Variants in VGLL4 observed in about 807,000 individuals in gnomAD.
The protein encoded by VGLL4 is vestigial like family member 4.
VGLL4 carries 7 observed loss-of-function variants against 21.0 expected under a neutral mutation model. That is an observed-to-expected ratio of 0.33 (90% CI 0.19 to 0.63). VGLL4 has a LOEUF of 0.63. Ranked by LOEUF, VGLL4 falls within the 20% of genes least tolerant of loss-of-function variation. VGLL4 has a pLI of 0.78. For synonymous variants in VGLL4, 222 were observed against 173.2 expected, an observed-to-expected ratio of 1.28 and a Z score of -2.21; for missense variants, 394 against 425.7, an observed-to-expected ratio of 0.93 and a Z score of 0.66.
upstream of VGLL4, among the ~76,000 whole-genome samples, chr3:11,647,015 G>C (rs76231649): frequency 1.3e-5 from 2 of 152,116 alleles, no homozygotes; most frequent in African/African-American, 4.8e-5. Flanking sequence ...TGTAGTTTTC[G>C]TATTTCTAGT....
At chr3:11,617,221 G>C (rs1456077564) in intron 1 of VGLL4, among the ~76,000 whole-genome samples, 1 of 152,276 alleles carries the variant, frequency 6.6e-6, no homozygotes, top group South Asian at 2.1e-4. Context: ...TTCCAGGCAG[G>C]TACAAGAGTA....
At chr3:11,713,048 C>T (rs6797660) in intron 1 of VGLL4, among the ~76,000 whole-genome samples, 9,511 of 152,076 alleles carry the variant, frequency 0.063, 891 homozygotes, top group African/African-American at 0.19. Context: ...GGGCCACAGC[C>T]ACAGAGGAGT....
intron 2 of VGLL4, among the ~76,000 whole-genome samples, chr3:11,670,117 CAAA>C (rs370254388): frequency 2.3e-5 from 3 of 131,810 alleles, no homozygotes; most frequent in Non-Finnish European, 1.7e-5. Context: ...GTTTCTAAAA[CAAA>C]AAAAAAAAAA....
intron 2 of VGLL4, among the ~76,000 whole-genome samples, chr3:11,574,781 A>ATGTGTG (rs1288636397): frequency 5.8e-5 from 7 of 121,016 alleles, no homozygotes; most frequent in African/African-American, 2.3e-4. Context: ...CAATTCAACT[A>ATGTGTG]TATATGTGTG....
intron 2 of VGLL4, among the ~76,000 whole-genome samples, chr3:11,667,376 A>G (rs897371581): frequency 2.6e-5 from 4 of 152,218 alleles, no homozygotes; most frequent in Admixed American, 6.5e-5. Context: ...TTATCTGTTT[A>G]ACCTCTTTAG....
At chr3:11,623,293 T>C (rs2075298405) in intron 1 of VGLL4, among the ~76,000 whole-genome samples, 1 of 152,188 alleles carries the variant, frequency 6.6e-6, no homozygotes. Context: ...AGGTGTTGTA[T>C]ACTAAAGAGA....
At chr3:11,598,264 T>TCACCCA (rs74738646) in intron 2 of VGLL4, among the ~76,000 whole-genome samples, 1 of 151,714 alleles carries the variant, frequency 6.6e-6, no homozygotes, top group Non-Finnish European at 1.5e-5. Context: ...TGACCTCATG[T>TCACCCA]GATCCGCCCA....
intron 2 of VGLL4, among the ~76,000 whole-genome samples, chr3:11,566,760 T>A (rs2125141498): frequency 6.6e-6 from 1 of 152,132 alleles, no homozygotes. Context: ...TAATACAGAA[T>A]CCATCCCCCA....
chr3:11,692,232 C>G (rs1437832450), intron 2 of VGLL4, among the ~76,000 whole-genome samples: 2 of 152,104 alleles, frequency 1.3e-5, no homozygotes, highest in African/African-American at 4.8e-5. Context: ...GTTATTTTCA[C>G]CAGTGGATAT....
rs2073662654 is a variant in VGLL4 at position 11,568,949 on chromosome 3, GA to G, written c.273-3931del. On this transcript the variant is annotated intron_variant, in intron 2 of 4. Transcript: ENST00000430365. The surrounding 1 kb of genome is among the most constrained non-coding windows in gnomAD (Gnocchi z 5.9). ...TTCCACTGCCAGCTGCCCACGGAGA[GA>G]AAGATGGAAAGAGGAGGGAGGGAAA... 8.3e-7 allele frequency: 1 copy of G among 1,206,264 alleles called. No homozygotes were observed. The highest frequency in any genetic ancestry group is 2.0e-5 in the South Asian group (1 of 49,568). 74.7% of individuals were successfully genotyped at this position (1,206,264 alleles called of 1,614,324 possible).
At chr3:11,674,956 G>A (rs1274649966) in intron 2 of VGLL4, among the ~76,000 whole-genome samples, 1 of 152,164 alleles carries the variant, frequency 6.6e-6, no homozygotes, top group Non-Finnish European at 1.5e-5. Flanking sequence ...ATTCTCCCTC[G>A]ATGATGTGAA....
At chr3:11,705,107 TG>T (rs2076739858) in intron 1 of VGLL4, among the ~76,000 whole-genome samples, 1 of 152,192 alleles carries the variant, frequency 6.6e-6, no homozygotes. Context: ...AGGGCTTCGA[TG>T]GGACCGCGGC....
intron 2 of VGLL4, among the ~76,000 whole-genome samples, chr3:11,590,216 TG>T (rs1559883867): frequency 6.6e-6 from 1 of 152,078 alleles, no homozygotes; most frequent in East Asian, 1.9e-4. Flanking sequence ...GCTGAGGAAA[TG>T]ACTCCTAACA....
At position 11,643,561 on chromosome 3, in the gene VGLL4, A is replaced by G; in HGVS notation, c.-43T>C. Reference sequence around the variant, plus strand: ...AAAACCAGCTCTTTGCTTTTGCCCCAAAAGAGTTAAGTTTCAAAAATCAAT... The same window carrying G: ...AAAACCAGCTCTTTGCTTTTGCCCCGAAAGAGTTAAGTTTCAAAAATCAAT... On this transcript the variant is annotated 5_prime_UTR_variant, in exon 1 of 5. Coordinates refer to ENST00000430365, the MANE Select transcript of VGLL4 (RefSeq NM_001128219.3). The G allele has an allele frequency of 6.2e-7, 1 of 1,613,094 alleles. No homozygotes were observed. The highest frequency in any genetic ancestry group is 2.2e-5 in the East Asian group (1 of 44,866).
Position 11,701,996 on chromosome 3 carries a change from C to T in VGLL4, c.64+975G>A, listed in dbSNP as rs114488036. Among the ~76,000 whole-genome samples, 366 of 152,178 alleles carry T rather than the reference C, an allele frequency of 2.4e-3. 2 individuals are homozygous for T. Among genetic ancestry groups the T allele is most frequent in the African/African-American group, 8.3e-3 (346 of 41,524 alleles). On this transcript the variant is annotated intron_variant, in intron 2 of 5. Transcript: ENST00000273038. ...TGTAGAATAATCTTCCAATATTGTT[C>T]CTTTCACCCATCCCTCAAACTACAC...
At chr3:11,633,070 A>G (rs141558757) in intron 1 of VGLL4, 64 of 152,234 alleles carry the variant, frequency 4.2e-4, no homozygotes, top group African/African-American at 1.3e-3. Flanking sequence ...TTTCCCAGCT[A>G]TCTTTCCTGC....
intron 2 of VGLL4, among the ~76,000 whole-genome samples, chr3:11,702,455 CAAAAAAAAAAAAA>C (rs56189603): frequency 1.0e-5 from 1 of 96,138 alleles, no homozygotes; most frequent in East Asian, 3.0e-4. Flanking sequence ...ACTAAAAATA[CAAAAAAAAAAAAA>C]AAAAAAAAAA....
chr3:11,574,190 G>A (rs772431268), intron 2 of VGLL4, among the ~76,000 whole-genome samples: 19 of 152,148 alleles, frequency 1.2e-4, no homozygotes, highest in Non-Finnish European at 2.8e-4. Flanking sequence ...CCTAGGAAAC[G>A]AACACAATTC....
intron 2 of VGLL4, among the ~76,000 whole-genome samples, chr3:11,590,677 T>C (rs1353124771): frequency 1.3e-5 from 2 of 148,692 alleles, no homozygotes; most frequent in Non-Finnish European, 3.0e-5. Flanking sequence ...TGTGTGTGTG[T>C]GTGTGTGTGT....
Sources: gnomAD v4.1 joint callset for allele counts (sites outside exome capture counted in the v4.1 genomes callset) on GRCh38, gnomAD v4.1.1 for gene constraint, Gnocchi (gnomAD v3.1) non-coding constraint, MANE v1.5 for transcripts, NCBI Gene and HGNC (gene_info 2026-07-23, HGNC 2026-07-21) for gene names.